The following VPS13B variants were observed in gnomAD, a reference collection of about 807,000 sequenced individuals.
The protein encoded by VPS13B is vacuolar protein sorting 13 homolog B.
VPS13B carries 285 observed loss-of-function variants against 426.4 expected under a neutral mutation model. The ratio of observed to expected loss-of-function variants is 0.67; its 90% CI spans 0.61 to 0.74. VPS13B has a LOEUF of 0.74. Among genes scored for constraint, VPS13B ranks in the 30% least tolerant of loss-of-function variants. The pLI is 0.00. For missense variants in VPS13B, 4,537 were observed against 4,782.6 expected (o/e 0.95, Z 1.51); for synonymous variants, 1,676 against 1,676.4 (o/e 1.00, Z 0.01).
At chr8:99,515,368 G>A (rs1289071383) in intron 29 of VPS13B, among the ~76,000 whole-genome samples, 1 of 151,034 alleles carries the variant, frequency 6.6e-6, no homozygotes, top group East Asian at 1.9e-4. Context: ...TAAAGCTGCT[G>A]CTGCTGCTGC....
chr8:99,103,596 T>A (rs1846882755), intron 5 of VPS13B, among the ~76,000 whole-genome samples: 2 of 148,818 alleles, frequency 1.3e-5, no homozygotes. Context: ...CCTCCCCGGG[T>A]TCACACCATT....
chr8:99,775,131 A>G (rs2130660073), intron 40 of VPS13B, among the ~76,000 whole-genome samples: 1 of 152,172 alleles, frequency 6.6e-6, no homozygotes, highest in South Asian at 2.1e-4. Flanking sequence ...TTGTGTTTCC[A>G]CCCTGGCAGC....
chr8:99,390,548 T>A (rs1814383195), intron 20 of VPS13B, among the ~76,000 whole-genome samples: 1 of 152,184 alleles, frequency 6.6e-6, no homozygotes, highest in Non-Finnish European at 1.5e-5. Context: ...ATAATGTACA[T>A]TATATTGAGT....
chr8:99,547,411 A>T (rs548069886), intron 30 of VPS13B, among the ~76,000 whole-genome samples: 2 of 152,076 alleles, frequency 1.3e-5, no homozygotes, highest in Non-Finnish European at 2.9e-5. Context: ...ATCAAGGCAT[A>T]AAAGTTTTAC....
chr8:99,350,570 G>A (rs1378546296), intron 19 of VPS13B, among the ~76,000 whole-genome samples: 1 of 152,148 alleles, frequency 6.6e-6, no homozygotes, highest in African/African-American at 2.4e-5. Context: ...TTGATATGTG[G>A]CAGTCACCAA....
rs1431833186 is a variant in VPS13B, at chr8:99,049,862, T to C, written c.291+11296T>C. On this transcript the variant is annotated intron_variant, in intron 3 of 61. Coordinates refer to ENST00000357162, the MANE Select transcript of VPS13B (RefSeq NM_152564.5). ...AGACTTCTTGGAGGCTTTGTTCATA[T>C]TTTCTTATTCTTTTTCCTTTGTCTT... 3.3e-5 allele frequency among the ~76,000 whole-genome samples: 5 copies of C among 152,088 alleles called. No individual in the cohort carries two copies. The East Asian group carries it at 9.7e-4, about 29-fold the overall frequency.
rs60698750 is a variant in VPS13B, at chr8:99,250,664, C to CTTTTTTT, written c.2516-23502_2516-23496dup. Among the ~76,000 whole-genome samples, 26 of 35,806 alleles carry CTTTTTTT rather than the reference C, an allele frequency of 7.3e-4. 9 individuals carry two copies. The highest frequency in any genetic ancestry group is 3.4e-3 in the East Asian group (3 of 882). 23.5% of individuals were successfully genotyped at this position (35,806 alleles called of 152,430 possible). On this transcript the variant is annotated intron_variant, in intron 17 of 61. Coordinates refer to ENST00000357162, the MANE Select transcript of VPS13B (RefSeq NM_152564.5). ...CTGTCCACTAATCCGTGTGTTTATT[C>CTTTTTTT]TTTTTTTTTTTTTTTTTTTTTTTTT...
chr8:99,726,735 T>TA (rs1015023479), intron 39 of VPS13B, among the ~76,000 whole-genome samples: 1 of 152,204 alleles, frequency 6.6e-6, no homozygotes, highest in African/African-American at 2.4e-5. Flanking sequence ...TTTGTATTTT[T>TA]AGTAGAGATG....
chr8:99,314,538 A>T (rs1016520894), intron 19 of VPS13B, among the ~76,000 whole-genome samples: 1 of 152,068 alleles, frequency 6.6e-6, no homozygotes, highest in African/African-American at 2.4e-5. Context: ...CCCAACTATT[A>T]TTATATTGGA....
intron 17 of VPS13B, among the ~76,000 whole-genome samples, chr8:99,267,862 CAG>C (rs1324007933): frequency 6.6e-6 from 1 of 152,138 alleles, no homozygotes; most frequent in African/African-American, 2.4e-5. Context: ...CAGGGCATGT[CAG>C]AGACCTTCAT....
At chr8:99,375,552 A>G (rs1813438521) in intron 19 of VPS13B, among the ~76,000 whole-genome samples, 1 of 152,148 alleles carries the variant, frequency 6.6e-6, no homozygotes, top group African/African-American at 2.4e-5. Flanking sequence ...AAATTTGACA[A>G]TTCCCCTAGA....
chr8:99,169,952 TA>T, intron 15 of VPS13B, 86 bp from the exon 16 acceptor site: 1 of 1,499,030 alleles, frequency 6.7e-7, no homozygotes, highest in Non-Finnish European at 9.3e-7. Flanking sequence ...GCAGCTGTTG[TA>T]AAGCAAGTTG....
chr8:99,553,076 G>T (rs11992778), intron 30 of VPS13B, among the ~76,000 whole-genome samples: 1 of 152,002 alleles, frequency 6.6e-6, no homozygotes, highest in Non-Finnish European at 1.5e-5. Context: ...CATCATTTGC[G>T]TGAGCCCTGA....
intron 43 of VPS13B, among the ~76,000 whole-genome samples, chr8:99,794,366 C>T (rs991895866): frequency 6.6e-6 from 1 of 152,004 alleles, no homozygotes; most frequent in Non-Finnish European, 1.5e-5. Flanking sequence ...CAATGGTATA[C>T]GATAGGCATA....
rs1311102251 is a variant in VPS13B at position 99,425,676 on chromosome 8, C to T, written c.3083-5861C>T. Among the ~76,000 whole-genome samples, 5 of 152,256 alleles carry T rather than the reference C, an allele frequency of 3.3e-5. No homozygotes were observed. The South Asian group carries it at 1.0e-3, about 32-fold the overall frequency. ...GGCACAAGACAGGGATGCCCTCTCT[C>T]ACCACTCCTGTTCAACATAGTGTTG... is the stretch of plus-strand genomic sequence containing the variant. On this transcript the variant is annotated intron_variant, in intron 21 of 61. Coordinates refer to ENST00000357162, the MANE Select transcript of VPS13B (RefSeq NM_152564.5).
chr8:99,795,188 G>A (rs1812742760), intron 43 of VPS13B, among the ~76,000 whole-genome samples: 1 of 152,132 alleles, frequency 6.6e-6, no homozygotes, highest in South Asian at 2.1e-4. Flanking sequence ...ACACTGCCTG[G>A]AAATCTACTT....
Position 99,013,749 on chromosome 8 carries a change from ACTC to A in VPS13B, c.-29-8_-29-6del, listed in dbSNP as rs757551896. On this transcript the variant is annotated splice_region_variant and splice_polypyrimidine_tract_variant and intron_variant, in intron 1 of 61. Coordinates refer to ENST00000357162, the MANE Select transcript of VPS13B (RefSeq NM_152564.5). ...CCGCCGACTTCTAACGTTTCTGTCT[ACTC>A]CTTTCAGCTTCCGACTTCGACTCCT... is the stretch of plus-strand genomic sequence containing the variant. The A allele has an allele frequency of 1.2e-5, 19 of 1,612,930 alleles. No homozygotes were observed. Among genetic ancestry groups the A allele is most frequent in the African/African-American group, 4.0e-5 (3 of 74,750 alleles).
At chr8:99,381,064 C>T (rs1469355378) in intron 19 of VPS13B, among the ~76,000 whole-genome samples, 1 of 152,046 alleles carries the variant, frequency 6.6e-6, no homozygotes, top group Non-Finnish European at 1.5e-5. Flanking sequence ...TCACCCTCCA[C>T]CCTCTGATAG....
intron 2 of VPS13B, among the ~76,000 whole-genome samples, chr8:99,029,254 T>G: frequency 7.6e-6 from 1 of 132,108 alleles, no homozygotes. Flanking sequence ...GCTTCCTAGA[T>G]GGGATGGCGG....
Sources: gnomAD v4.1 joint callset for allele counts (sites outside exome capture counted in the v4.1 genomes callset) on GRCh38, gnomAD v4.1.1 for gene constraint, MANE v1.5 for transcripts, NCBI Gene and HGNC (gene_info 2026-07-23, HGNC 2026-07-21) for gene names.